The following WNK1 variants were observed in gnomAD, a reference collection of about 807,000 sequenced individuals.
WNK1 encodes serine/threonine-protein kinase WNK1.
Under a neutral mutation model 222.8 loss-of-function variants are expected in WNK1, and 38 were observed. The observed-to-expected ratio is 0.17, with a 90% confidence interval of 0.13 to 0.22. The LOEUF is 0.22. Among genes scored for constraint, WNK1 ranks in the 10% least tolerant of loss-of-function variants. WNK1 has a pLI of 1.00. For missense variants in WNK1, 2,348 were observed against 2,918.4 expected (o/e 0.80, Z 4.50); for synonymous variants, 1,090 against 1,092.9 (o/e 1.00, Z 0.05).
At chr12:887,986 TA>T in intron 20 of WNK1, among the ~76,000 whole-genome samples, 1 of 152,304 alleles carries the variant, frequency 6.6e-6, no homozygotes, top group African/African-American at 2.4e-5. Flanking sequence ...TTACCTGTAA[TA>T]TTTATTATTT....
intron 25 of WNK1, among the ~76,000 whole-genome samples, chr12:898,591 C>A (rs1468333273): frequency 6.6e-6 from 1 of 151,840 alleles, no homozygotes; most frequent in Non-Finnish European, 1.5e-5. Flanking sequence ...TTTTAAGAGA[C>A]AGGGCCTCAC....
At chr12:780,943 T>A (rs965079313) in intron 1 of WNK1, among the ~76,000 whole-genome samples, 11 of 152,230 alleles carry the variant, frequency 7.2e-5, no homozygotes, top group African/African-American at 2.7e-4. Context: ...AGTAGTTTGC[T>A]ATAGACAGAC....
chr12:814,254 A>G (rs979996937), intron 2 of WNK1, among the ~76,000 whole-genome samples: 15 of 151,526 alleles, frequency 9.9e-5, no homozygotes, highest in African/African-American at 3.6e-4. Flanking sequence ...GCTTGAACCT[A>G]GGAGGCGGAG....
chr12:869,813 CTTTTT>C (rs926387715), intron 8 of WNK1, among the ~76,000 whole-genome samples: 1 of 142,688 alleles, frequency 7.0e-6, no homozygotes, highest in African/African-American at 2.6e-5. Flanking sequence ...GAGTGGTGGG[CTTTTT>C]TTTTTTGTTA....
At chr12:790,254 T>A (rs1005547688) in intron 1 of WNK1, among the ~76,000 whole-genome samples, 1 of 152,118 alleles carries the variant, frequency 6.6e-6, no homozygotes, top group Non-Finnish European at 1.5e-5. Context: ...TCTTTTCATG[T>A]TTTTATTTTT....
intron 4 of WNK1, among the ~76,000 whole-genome samples, chr12:849,796 C>G (rs1950287481): frequency 6.6e-6 from 1 of 152,018 alleles, no homozygotes; most frequent in South Asian, 2.1e-4. Flanking sequence ...CAATTCCCAC[C>G]TATGAGTGAG....
intron 16 of WNK1, 50 bp from the exon 17 acceptor site, chr12:883,724 T>A: frequency 6.2e-7 from 1 of 1,610,114 alleles, no homozygotes; most frequent in Non-Finnish European, 8.5e-7. Context: ...CTTTGCCTAG[T>A]CATTGAGATT....
chr12:908,594 C>G lies in WNK1; in HGVS notation c.6951C>G (p.Thr2317=). Residue 2317 remains threonine, a synonymous_variant, in exon 28 of 28, where the codon ACC becomes ACG. Transcript: ENST00000315939. ...AASATSLGHF[T]KSMCPPQQYG... ...CAGCTACCTCTCTAGGTCACTTCAC[C>G]AAGTCTATGTGCCCCCCACAGCAGT... is the stretch of plus-strand genomic sequence containing the variant. 1 of 1,614,170 alleles carries G rather than the reference C, an allele frequency of 6.2e-7. No individual in the cohort carries two copies. Among genetic ancestry groups the G allele is most frequent in the Non-Finnish European group, 8.5e-7 (1 of 1,180,040 alleles).
intron 26 of WNK1, 87 bp from the exon 27 acceptor site, chr12:907,760 G>T (rs1592278198): frequency 3.4e-6 from 5 of 1,450,022 alleles, no homozygotes; most frequent in African/African-American, 1.4e-5. Flanking sequence ...TCTGTGGCTT[G>T]CCATTCATCA....
chr12:818,127 A>G (rs1947528672), intron 2 of WNK1, among the ~76,000 whole-genome samples: 1 of 152,254 alleles, frequency 6.6e-6, no homozygotes, highest in South Asian at 2.1e-4. Context: ...GTTACTCAAC[A>G]TTTTAATCAC....
intron 4 of WNK1, among the ~76,000 whole-genome samples, chr12:836,099 T>C (rs1949158944): frequency 6.6e-6 from 1 of 152,216 alleles, no homozygotes; most frequent in African/African-American, 2.4e-5. Flanking sequence ...TATGACTAGG[T>C]ACTAATACAA....
At chr12:875,660 TG>T (rs1295611648) in intron 9 of WNK1, among the ~76,000 whole-genome samples, 4 of 152,194 alleles carry the variant, frequency 2.6e-5, no homozygotes, top group Non-Finnish European at 4.4e-5. Context: ...TTTAATGTTA[TG>T]TAAATAGGTG....
At chr12:881,670 G>C (rs201390177) in intron 12 of WNK1, 22 bp from the exon 13 acceptor site, 11 of 1,584,356 alleles carry the variant, frequency 6.9e-6, no homozygotes, top group Non-Finnish European at 5.2e-6. Flanking sequence ...ACCGAGATTT[G>C]AGTTATCTTT....
At position 867,885 on chromosome 12, in the gene WNK1, C is replaced by T. The variant is rs781318799; in HGVS notation, c.2140-3380C>T. On this transcript the variant is annotated intron_variant, in intron 8 of 27. Coordinates refer to ENST00000315939, the MANE Select transcript of WNK1 (RefSeq NM_018979.4). ...ATACAGCCTCAGTCCATGGCGCATC[C>T]GTGTGGGGGGACCCCAACATACCCA... is the stretch of plus-strand genomic sequence containing the variant. 4.7e-5 allele frequency: 76 copies of T among 1,613,854 alleles called. No homozygotes were observed. The highest frequency in any genetic ancestry group is 1.6e-4 in the Middle Eastern group (1 of 6,084).
At chr12:879,513 C>CTTTTTTTTTTTTTTTT in intron 10 of WNK1, 60 bp from the exon 11 acceptor site, 1 of 403,028 alleles carries the variant, frequency 2.5e-6, no homozygotes, top group Non-Finnish European at 3.6e-6. Context: ...GGCAGCCTTG[C>CTTTTTTTTTTTTTTTT]TTTTTTTTTT....
intron 1 of WNK1, 41 bp downstream of exon 1, chr12:754,365 C>A: frequency 1.2e-6 from 2 of 1,612,512 alleles, no homozygotes; most frequent in South Asian, 1.1e-5. Flanking sequence ...CTTTGGATCC[C>A]AAATTTGGCT....
chr12:787,557 G>A (rs562717105), intron 1 of WNK1, among the ~76,000 whole-genome samples: 64 of 152,316 alleles, frequency 4.2e-4, no homozygotes, highest in African/African-American at 1.4e-3. Flanking sequence ...CATTATTAGC[G>A]TAGTTCTTGT....
intron 8 of WNK1, chr12:865,433 T>G (rs1951583276): frequency 6.8e-7 from 1 of 1,475,224 alleles, no homozygotes; most frequent in African/African-American, 1.4e-5. Flanking sequence ...AACAAGAATT[T>G]TAATTAAAAT....
At chr12:770,722 T>G (rs1023972673) in intron 1 of WNK1, among the ~76,000 whole-genome samples, 2 of 152,200 alleles carry the variant, frequency 1.3e-5, no homozygotes, top group African/African-American at 4.8e-5. Flanking sequence ...TTTTAAACTC[T>G]TAGTGGTTTG....
Sources: allele counts gnomAD v4.1 joint callset (sites outside exome capture counted in the v4.1 genomes callset), GRCh38; gene constraint gnomAD v4.1.1; transcripts MANE v1.5; gene names NCBI Gene and HGNC (gene_info 2026-07-23, HGNC 2026-07-21).